The following PRIM2 variants were observed in gnomAD, a reference collection of about 807,000 sequenced individuals.
PRIM2 encodes the protein DNA primase large subunit.
PRIM2 carries 39 observed loss-of-function variants against 67.3 expected under a neutral mutation model. The ratio of observed to expected loss-of-function variants is 0.58; its 90% CI spans 0.45 to 0.76. The LOEUF (loss-of-function observed/expected upper bound fraction) is 0.76, where lower values mean the gene tolerates loss of function less well. PRIM2 is among the 30% of genes least tolerant of loss of function. The probability of loss-of-function intolerance (pLI) is 0.00; values close to 1 mark genes in which losing one functional copy is unlikely to be tolerated. For missense variants in PRIM2, 398 were observed against 598.7 expected (o/e 0.66, Z 3.50); for synonymous variants, 143 against 198.7 (o/e 0.72, Z 2.36).
At chr6:57,333,672 G>A (rs1057348594) in intron 5 of PRIM2, among the ~76,000 whole-genome samples, 2 of 151,972 alleles carry the variant, frequency 1.3e-5, no homozygotes, top group African/African-American at 2.4e-5. Flanking sequence ...TTTCGGTCCT[G>A]ACATTCAATC....
chr6:57,535,278 C>T lies in PRIM2; in HGVS notation c.835-2162C>T, dbSNP rs1474938655. On this transcript the variant is annotated intron_variant, in intron 9 of 13. Coordinates refer to ENST00000615550, the MANE Select transcript of PRIM2 (RefSeq NM_000947.5). ...AATGAGAAGCTACAGAGCATGACTG[C>T]GTGGTCATGGGATATTGAATAATCC... Among the ~76,000 whole-genome samples the T allele has an allele frequency of 2.6e-5, 4 of 152,094 alleles. No homozygotes were observed. The East Asian group carries it at 5.8e-4, about 22-fold the overall frequency.
intron 5 of PRIM2, among the ~76,000 whole-genome samples, chr6:57,326,646 G>A (rs1308413492): frequency 6.6e-6 from 1 of 151,926 alleles, no homozygotes; most frequent in African/African-American, 2.4e-5. Context: ...GCTTGAACCC[G>A]GGAGGTGGAG....
At chr6:57,643,028 G>A (rs1193522144) in intron 13 of PRIM2, among the ~76,000 whole-genome samples, 1 of 151,796 alleles carries the variant, frequency 6.6e-6, no homozygotes, top group South Asian at 2.1e-4. Context: ...AGATTTCATA[G>A]AACAATTTTT....
At chr6:57,626,015 G>GT in intron 12 of PRIM2, among the ~76,000 whole-genome samples, 1 of 152,346 alleles carries the variant, frequency 6.6e-6, no homozygotes, top group East Asian at 1.9e-4. Flanking sequence ...GCCCAGTCTA[G>GT]TTTTGAAAGA....
chr6:57,411,797 T>A (rs1258440173), intron 7 of PRIM2, among the ~76,000 whole-genome samples: 4 of 151,852 alleles, frequency 2.6e-5, no homozygotes, highest in African/African-American at 9.7e-5. Context: ...GGCTATCTGA[T>A]TTTGGTATCA....
At chr6:57,625,863 G>C (rs1329377143) in intron 12 of PRIM2, among the ~76,000 whole-genome samples, 1 of 152,256 alleles carries the variant, frequency 6.6e-6, no homozygotes, top group Non-Finnish European at 1.5e-5. Flanking sequence ...CAGCAAGGCA[G>C]CAGCAGGCTA....
chr6:57,371,622 T>C (rs1363799561), intron 5 of PRIM2, among the ~76,000 whole-genome samples: 1 of 152,224 alleles, frequency 6.6e-6, no homozygotes, highest in Admixed American at 6.5e-5. Flanking sequence ...CACAGAGATG[T>C]ATATTAAAAT....
intron 7 of PRIM2, among the ~76,000 whole-genome samples, chr6:57,443,074 G>A (rs1211877184): frequency 1.3e-5 from 2 of 152,074 alleles, no homozygotes; most frequent in African/African-American, 2.4e-5. Context: ...GCAGACAACA[G>A]AACACCCTTC....
intron 5 of PRIM2, among the ~76,000 whole-genome samples, chr6:57,354,331 T>C (rs1353565546): frequency 6.6e-6 from 1 of 152,204 alleles, no homozygotes; most frequent in Non-Finnish European, 1.5e-5. Flanking sequence ...AAATTAAGTA[T>C]TTTTCTTCTG....
rs1406388349 is a variant in PRIM2 at position 57,610,129 on chromosome 6, C to T, written c.1230+3672C>T. Among the ~76,000 whole-genome samples, 602 of 152,242 alleles carry T rather than the reference C, an allele frequency of 4.0e-3. 3 individuals carry two copies. Among genetic ancestry groups the T allele is most frequent in the African/African-American group, 0.014 (563 of 41,526 alleles). On this transcript the variant is annotated intron_variant, in intron 12 of 13. Coordinates refer to ENST00000615550, the MANE Select transcript of PRIM2 (RefSeq NM_000947.5). ...TGTCTTCCAGGCTGGAATGCAATGGCGCAATCTCGGCTCACTGCAACCTCC... is the reference window on the plus strand; with the variant it reads ...TGTCTTCCAGGCTGGAATGCAATGGTGCAATCTCGGCTCACTGCAACCTCC...
At chr6:57,404,593 T>C (rs1184423696) in intron 7 of PRIM2, among the ~76,000 whole-genome samples, 7 of 152,206 alleles carry the variant, frequency 4.6e-5, no homozygotes, top group Non-Finnish European at 8.8e-5. Context: ...AAATCCCAAT[T>C]GCAAATGTTT....
intron 7 of PRIM2, among the ~76,000 whole-genome samples, chr6:57,388,589 T>A (rs1770227123): frequency 6.6e-6 from 1 of 152,164 alleles, no homozygotes; most frequent in African/African-American, 2.4e-5. Flanking sequence ...TATCACTCTC[T>A]GAGGCTTGTA....
intron 5 of PRIM2, among the ~76,000 whole-genome samples, chr6:57,330,054 A>T (rs1366056503): frequency 6.6e-6 from 1 of 152,170 alleles, no homozygotes; most frequent in Non-Finnish European, 1.5e-5. Flanking sequence ...GCTAGCTAGG[A>T]TTTACACTGG....
intron 7 of PRIM2, among the ~76,000 whole-genome samples, chr6:57,452,569 G>A (rs1270648595): frequency 6.6e-6 from 1 of 152,204 alleles, no homozygotes; most frequent in African/African-American, 2.4e-5. Context: ...TCTTTTGGCT[G>A]CATAAATGTC....
intron 7 of PRIM2, among the ~76,000 whole-genome samples, chr6:57,484,272 A>G (rs1425800188): frequency 6.6e-6 from 1 of 152,228 alleles, no homozygotes; most frequent in Admixed American, 6.5e-5. Flanking sequence ...AACAGATTCT[A>G]AAGCCTGATG....
intron 7 of PRIM2, among the ~76,000 whole-genome samples, chr6:57,505,601 G>A (rs1393593644): frequency 3.9e-5 from 6 of 152,166 alleles, no homozygotes; most frequent in Non-Finnish European, 7.3e-5. Context: ...TAGGGGTGTG[G>A]TTAACTTTCA....
chr6:57,508,930 ATTTTCAGG>A (rs1774303235), intron 8 of PRIM2, among the ~76,000 whole-genome samples: 1 of 152,164 alleles, frequency 6.6e-6, no homozygotes, highest in South Asian at 2.1e-4. Flanking sequence ...ACATACCTAC[ATTTTCAGG>A]TTTTATGTAG....
At chr6:57,547,053 G>A (rs1396203648) in intron 10 of PRIM2, among the ~76,000 whole-genome samples, 3 of 151,930 alleles carry the variant, frequency 2.0e-5, no homozygotes, top group South Asian at 4.1e-4. Flanking sequence ...AGTTTTGAAC[G>A]TCTTATTCCT....
At chr6:57,582,172 A>G (rs1204090484) in intron 10 of PRIM2, among the ~76,000 whole-genome samples, 2 of 152,014 alleles carry the variant, frequency 1.3e-5, no homozygotes, top group African/African-American at 2.4e-5. Context: ...TTAGGGTTAG[A>G]CCCTCTGTTC....
Sources: allele counts gnomAD v4.1 joint callset (sites outside exome capture counted in the v4.1 genomes callset), GRCh38; gene constraint gnomAD v4.1.1; transcripts MANE v1.5; gene names NCBI Gene and HGNC (gene_info 2026-07-23, HGNC 2026-07-21).